Variants in SERINC1 observed in about 807,000 individuals in gnomAD.
The protein encoded by SERINC1 is tumor differentially expressed protein 2.
Under a neutral mutation model 52.9 loss-of-function variants are expected in SERINC1, and 38 were observed. The ratio of observed to expected loss-of-function variants is 0.72; its 90% CI spans 0.55 to 0.94. The LOEUF is 0.94. Among genes scored for constraint, SERINC1 ranks in the 40% least tolerant of loss-of-function variants. SERINC1 has a pLI of 0.00. For missense variants in SERINC1, 471 were observed against 533.9 expected, an observed-to-expected ratio of 0.88 and a Z score of 1.16; for synonymous variants, 198 against 183.1, an observed-to-expected ratio of 1.08 and a Z score of -0.66.
chr6:122,447,188 C>G lies in SERINC1; in HGVS notation c.928G>C (p.Val310Leu). 1 of 1,612,316 alleles carries G rather than the reference C, an allele frequency of 6.2e-7. No homozygotes were observed. Among genetic ancestry groups the G allele is most frequent in the Non-Finnish European group, 8.5e-7 (1 of 1,178,342 alleles). ...TSTVPKEGQS[V>L]QWWHAQGIIG... is the part of the protein sequence containing the mutation. ...ATTCCTTGAGCATGCCACCACTGGA[C>G]TGACTGCCCTTCCTTTGGGACAGTG... The change falls in exon 8 of 10, where the codon GTC becomes CTC. Residue 310 changes from valine (V) to leucine (L), a missense_variant. Transcript: ENST00000339697.
At chr6:122,454,448 A>G in intron 3 of SERINC1, 1 of 473,412 alleles carries the variant, frequency 2.1e-6, no homozygotes, top group South Asian at 2.8e-5. Context: ...GAGTGAAATT[A>G]ACCATTACCA....
In SERINC1 at chr6:122,458,547, T is replaced by A; in HGVS notation, c.174A>T (p.Ile58=). The A allele has an allele frequency of 1.2e-6, 2 of 1,612,874 alleles. No homozygotes were observed. Among genetic ancestry groups the A allele is most frequent in the Non-Finnish European group, 8.5e-7 (1 of 1,179,216 alleles). The change falls in exon 2 of 10, where the codon ATA becomes ATT. Residue 58 remains isoleucine (I), a synonymous_variant. Coordinates refer to ENST00000339697, the MANE Select transcript of SERINC1 (RefSeq NM_020755.4). ...VGVCVACVML[I]PGMEEQLNKI... ...TATTCAGTTGTTCTTCCATTCCTGG[T>A]ATCAACATTACACAAGCTACACATA...
intron 3 of SERINC1, among the ~76,000 whole-genome samples, chr6:122,456,178 C>T (rs990836194): frequency 2.6e-5 from 4 of 152,096 alleles, no homozygotes; most frequent in African/African-American, 7.2e-5. Context: ...TGGACTGGTC[C>T]ACCTAAAGTT....
At chr6:122,460,159 C>T (rs959574648) in intron 1 of SERINC1, among the ~76,000 whole-genome samples, 12 of 152,130 alleles carry the variant, frequency 7.9e-5, no homozygotes, top group African/African-American at 2.9e-4. Context: ...CTTCCCCCAC[C>T]CACTCCGGGT....
intron 2 of SERINC1, among the ~76,000 whole-genome samples, chr6:122,457,188 A>G (rs1582634196): frequency 6.6e-6 from 1 of 152,084 alleles, no homozygotes; most frequent in African/African-American, 2.4e-5. Flanking sequence ...GTCATTCTTA[A>G]AACTTTCTTC....
intron 2 of SERINC1, 78 bp from the exon 3 acceptor site, chr6:122,456,728 TTAAG>T (rs779016135): frequency 9.0e-7 from 1 of 1,109,434 alleles, no homozygotes; most frequent in Non-Finnish European, 1.2e-6. Flanking sequence ...ATCAAATAGT[TTAAG>T]TAAAGGTTTA....
intron 7 of SERINC1, among the ~76,000 whole-genome samples, chr6:122,450,676 G>GA (rs1774888913): frequency 6.6e-6 from 1 of 152,088 alleles, no homozygotes; most frequent in Non-Finnish European, 1.5e-5. Context: ...TGATTCATGG[G>GA]AAAAAATGTC....
intron 5 of SERINC1, 22 bp downstream of exon 5, chr6:122,453,748 T>C (rs1481232722): frequency 6.3e-7 from 1 of 1,577,560 alleles, no homozygotes; most frequent in Non-Finnish European, 8.7e-7. Flanking sequence ...TATACTGAAG[T>C]TGTTCTGCGA....
In SERINC1 at chr6:122,452,042, G is replaced by A; in HGVS notation, c.605C>T (p.Thr202Ile). ...TAAAGACAGCAGATAATTCAGAGCT[G>A]TAGCTGATAACAAGGCTGTGAAAGA... is the stretch of plus-strand genomic sequence containing the variant. ...RCWYAALLSA[T>I]ALNYLLSLVA... Residue 202 changes from threonine to isoleucine, a missense_variant, in exon 6 of 10, where the codon ACA becomes ATA. Transcript: ENST00000339697. 3.9e-6 allele frequency: 6 copies of A among 1,544,904 alleles called. No homozygotes were observed. The highest frequency in any genetic ancestry group is 4.3e-6 in the Non-Finnish European group (5 of 1,149,682).
chr6:122,450,963 G>C (rs1356434087), intron 7 of SERINC1, among the ~76,000 whole-genome samples: 1 of 152,158 alleles, frequency 6.6e-6, no homozygotes, highest in African/African-American at 2.4e-5. Flanking sequence ...GACAGCAAAG[G>C]AGTTAGAATA....
chr6:122,457,732 T>C (rs1357450580), intron 2 of SERINC1, among the ~76,000 whole-genome samples: 1 of 151,938 alleles, frequency 6.6e-6, no homozygotes, highest in Admixed American at 6.6e-5. Context: ...AACTGAGAAA[T>C]AAATTTTTGT....
chr6:122,444,790 A>G lies in SERINC1; in HGVS notation c.*254T>C, dbSNP rs1263308424. 2 of 417,926 alleles carry G rather than the reference A, an allele frequency of 4.8e-6. No individual in the cohort carries two copies. Among genetic ancestry groups the G allele is most frequent in the African/African-American group, 2.1e-5 (1 of 48,710 alleles). The allele number at this position is 417,926 out of a possible 1,614,324, so 25.9% of individuals were successfully genotyped here. ...TTCATTTCACAACTATAGAGCAGAG[A>G]ATAAGCCCAATAATGGCCACTTTTA... On this transcript the variant is annotated 3_prime_UTR_variant, in exon 10 of 10. Transcript: ENST00000339697.
rs149693952 is a variant in SERINC1 at position 122,445,123 on chromosome 6, G to A, written c.1283C>T (p.Ser428Phe). ...CAGCACGATGCCAATCCAACTGGAAGAGATTTTCACCCAGACAGCTGTCCA... is the reference window on the plus strand; with the variant it reads ...CAGCACGATGCCAATCCAACTGGAAAAGATTTTCACCCAGACAGCTGTCCA... ...SQWTAVWVKI[S>F]SSWIGIVLYV... is the part of the protein sequence containing the mutation. Residue 428 changes from serine to phenylalanine, a missense_variant, in exon 10 of 10, where the codon TCT (serine) becomes TTT (phenylalanine). Ser to Phe is a radical substitution (Grantham distance 155). Transcript: ENST00000339697. The A allele has an allele frequency of 1.9e-6, 3 of 1,613,970 alleles. No individual in the cohort carries two copies. The highest frequency in any genetic ancestry group is 1.3e-5 in the African/African-American group (1 of 74,930).
chr6:122,445,559 A>G (rs867464977), intron 9 of SERINC1, among the ~76,000 whole-genome samples: 2 of 145,536 alleles, frequency 1.4e-5, no homozygotes, highest in South Asian at 2.3e-4. Context: ...CACTCCCCCA[A>G]CCCCCTCCCC....
intron 1 of SERINC1, among the ~76,000 whole-genome samples, chr6:122,460,053 A>T (rs1181612920): frequency 6.6e-6 from 1 of 152,112 alleles, no homozygotes; most frequent in Non-Finnish European, 1.5e-5. Flanking sequence ...GAGCCCTATG[A>T]CTGGCCCTTA....
chr6:122,449,045 C>G (rs1774859391), intron 7 of SERINC1, among the ~76,000 whole-genome samples: 1 of 152,134 alleles, frequency 6.6e-6, no homozygotes, highest in Admixed American at 6.5e-5. Context: ...ACAAATCACA[C>G]CCATATAAGA....
In SERINC1 at chr6:122,451,758, CAAAAA is replaced by C. The variant is rs750920534; in HGVS notation, c.760-9_760-5del. ...AACCAGATCTTGGTTGTGATTCCTACAAAAAAAAAAAAAAAAAAATATATATATAT... is the reference window on the plus strand; with the variant it reads ...AACCAGATCTTGGTTGTGATTCCTACAAAAAAAAAAAAAATATATATATAT... On this transcript the variant is annotated splice_region_variant and splice_polypyrimidine_tract_variant and intron_variant, in intron 6 of 9. Transcript: ENST00000339697. 18 of 88,608 alleles carry C rather than the reference CAAAAA, an allele frequency of 2.0e-4. 1 individual carries two copies. Among genetic ancestry groups the C allele is most frequent in the East Asian group, 1.6e-3 (6 of 3,688 alleles). The allele number at this position is 88,608 out of a possible 1,614,324, so 5.5% of individuals were successfully genotyped here.
chr6:122,444,832 T>G lies in SERINC1; in HGVS notation c.*212A>C. The G allele has an allele frequency of 1.9e-6, 1 of 532,770 alleles. No homozygotes were observed. Among genetic ancestry groups the G allele is most frequent in the Non-Finnish European group, 3.3e-6 (1 of 303,906 alleles). 33.0% of individuals were successfully genotyped at this position (532,770 alleles called of 1,614,324 possible). On this transcript the variant is annotated 3_prime_UTR_variant, in exon 10 of 10. Transcript: ENST00000339697. ...CCACTTTTACTAACTCATCACCATATTCATAAAACTTTCCTCTGCAATTCA... is the reference window on the plus strand; with the variant it reads ...CCACTTTTACTAACTCATCACCATAGTCATAAAACTTTCCTCTGCAATTCA...
intron 7 of SERINC1, among the ~76,000 whole-genome samples, chr6:122,450,694 C>T (rs1017417430): frequency 6.6e-6 from 1 of 151,948 alleles, no homozygotes. Flanking sequence ...GTCAAAATAT[C>T]AACATTAACA....
Sources: allele counts gnomAD v4.1 joint callset (sites outside exome capture counted in the v4.1 genomes callset), GRCh38; gene constraint gnomAD v4.1.1; transcripts MANE v1.5; gene names NCBI Gene and HGNC (gene_info 2026-07-23, HGNC 2026-07-21).